Variants in HIP1R observed in about 807,000 individuals in gnomAD.
The protein encoded by HIP1R is huntingtin-interacting protein 1-related protein.
In HIP1R, 135 loss-of-function variants were observed where a neutral mutation model predicts 144.2. The observed-to-expected ratio is 0.94, with a 90% CI of 0.81 to 1.08. The LOEUF is 1.08. HIP1R is among the 50% of genes least tolerant of loss of function. The probability of loss-of-function intolerance (pLI) is 0.00; values close to 1 mark genes in which losing one functional copy is unlikely to be tolerated. For missense variants in HIP1R, 1,462 were observed against 1,432.8 expected (o/e 1.02, Z -0.33); for synonymous variants, 698 against 612.8 (o/e 1.14, Z -2.05).
rs1166694231 is a variant in HIP1R at position 122,860,757 on chromosome 12, C to T, written c.2739C>T (p.Ser913=). ...TCTGCTCCCACGAGATCGCAGCCAG[C>T]ACGGCCCAGCTGGTGGCGGCCTCCA... ...LIVCSHEIAA[S]TAQLVAASKV... Residue 913 remains serine, a synonymous_variant, in exon 28 of 32, where the codon AGC becomes AGT. Transcript: ENST00000253083. 8 of 1,613,110 alleles carry T rather than the reference C, an allele frequency of 5.0e-6. No individual in the cohort carries two copies. Among genetic ancestry groups the T allele is most frequent in the Non-Finnish European group, 6.8e-6 (8 of 1,179,906 alleles).
intron 1 of HIP1R, 113 bp from the exon 2 acceptor site, chr12:122,847,918 C>A: frequency 4.3e-6 from 4 of 922,770 alleles, no homozygotes; most frequent in Non-Finnish European, 6.6e-6. Flanking sequence ...CATCGCTCCA[C>A]TGGCCTTGAA....
chr12:122,858,738 T>A, intron 20 of HIP1R, 100 bp from the exon 21 acceptor site: 1 of 874,848 alleles, frequency 1.1e-6, no homozygotes, highest in Non-Finnish European at 1.9e-6. Context: ...CCTCCTTTCC[T>A]CTTCCTCCTC....
chr12:122,843,578 G>T (rs2033120530), intron 1 of HIP1R, among the ~76,000 whole-genome samples: 1 of 152,188 alleles, frequency 6.6e-6, no homozygotes, highest in Admixed American at 6.5e-5. Context: ...GCCCCTGGGT[G>T]CCCCTGAGCT....
chr12:122,859,620 C>T (rs2033703781), intron 23 of HIP1R, 84 bp downstream of exon 23: 8 of 1,346,356 alleles, frequency 5.9e-6, no homozygotes, highest in Non-Finnish European at 7.3e-6. Context: ...ACAGGCTGCA[C>T]CCACTCCTGC....
rs2033041139 is a variant in HIP1R, at chr12:122,840,975, A to T, written c.93+5332A>T. On this transcript the variant is annotated intron_variant, in intron 1 of 31. Transcript: ENST00000253083. This position sits in a 1 kb window ranked among gnomAD's most constrained non-coding sequence, Gnocchi z 4.2. Reference sequence around the variant, plus strand: ...CCTCCCAGCCAGCGCTGCACCGGTCATTCGCGAATGAAACCCAGCTGGCCA... The same window carrying T: ...CCTCCCAGCCAGCGCTGCACCGGTCTTTCGCGAATGAAACCCAGCTGGCCA... Among the ~76,000 whole-genome samples the T allele has an allele frequency of 6.6e-6, 1 of 152,178 alleles. No homozygotes were observed. Among genetic ancestry groups the T allele is most frequent in the East Asian group, 1.9e-4 (1 of 5,198 alleles).
At chr12:122,843,357 T>G (rs1011208036) in intron 1 of HIP1R, among the ~76,000 whole-genome samples, 2 of 152,202 alleles carry the variant, frequency 1.3e-5, no homozygotes, top group African/African-American at 4.8e-5. Flanking sequence ...CTTGCCCACC[T>G]GCTCCGAGGT....
chr12:122,845,101 G>A lies in HIP1R; in HGVS notation c.94-2930G>A, dbSNP rs141042331. Among the ~76,000 whole-genome samples, 709 of 152,344 alleles carry A rather than the reference G, an allele frequency of 4.7e-3. 8 individuals carry two copies. Among genetic ancestry groups the A allele is most frequent in the African/African-American group, 0.016 (676 of 41,572 alleles). On this transcript the variant is annotated intron_variant, in intron 1 of 31. Coordinates refer to ENST00000253083, the MANE Select transcript of HIP1R (RefSeq NM_003959.3). ...ACTGTAAGCCTCAGAGCGGAGCTGCGTCAAGGACACCGTGTGGGTCTCACC... is the reference window on the plus strand; with the variant it reads ...ACTGTAAGCCTCAGAGCGGAGCTGCATCAAGGACACCGTGTGGGTCTCACC...
Position 122,850,833 on chromosome 12 carries a change from AG to A in HIP1R, c.439-1del, listed in dbSNP as rs1298902064. The A allele has an allele frequency of 6.2e-7, 1 of 1,607,716 alleles. No individual in the cohort carries two copies. The highest frequency in any genetic ancestry group is 8.5e-7 in the Non-Finnish European group (1 of 1,178,032). ...GCCGCTGGGTGGGGGTTCTCTCCAC[AG>A]CATCCCCAGTTTCCCGCGGGCCTGG... is the stretch of plus-strand genomic sequence containing the variant. On this transcript the variant is annotated splice_acceptor_variant, in intron 5 of 31. Coordinates refer to ENST00000253083, the MANE Select transcript of HIP1R (RefSeq NM_003959.3). LOFTEE classifies it high-confidence loss of function.
Position 122,848,105 on chromosome 12 carries a change from C to T in HIP1R, c.157+11C>T. On this transcript the variant is annotated intron_variant, in intron 2 of 31. Coordinates refer to ENST00000253083, the MANE Select transcript of HIP1R (RefSeq NM_003959.3). ...AGAAGCACGCCCGGCGTATCCTTGG[C>T]CGGCTCTTGGACCCAGGAGTTGGGT... The T allele has an allele frequency of 1.4e-5, 22 of 1,612,946 alleles. No homozygotes were observed. The highest frequency in any genetic ancestry group is 1.9e-5 in the Non-Finnish European group (22 of 1,179,638).
chr12:122,861,285 C>G, intron 30 of HIP1R, 23 bp from the exon 31 acceptor site: 1 of 1,613,562 alleles, frequency 6.2e-7, no homozygotes, highest in East Asian at 2.2e-5. Context: ...CTGGGCTGGG[C>G]TGAGCAGGCC....
At position 122,861,926 on chromosome 12, in the gene HIP1R, T is replaced by C. The variant is rs1292573854; in HGVS notation, c.*173T>C. ...ACTGAGCCTGCAGGGTCCTGGGCCATGTGGGTGGTGCTTCTGGATGTGAGT... is the reference window on the plus strand; with the variant it reads ...ACTGAGCCTGCAGGGTCCTGGGCCACGTGGGTGGTGCTTCTGGATGTGAGT... On this transcript the variant is annotated 3_prime_UTR_variant, in exon 32 of 32. Coordinates refer to ENST00000253083, the MANE Select transcript of HIP1R (RefSeq NM_003959.3). 9 of 581,230 alleles carry C rather than the reference T, an allele frequency of 1.5e-5. No individual in the cohort carries two copies. Among genetic ancestry groups the C allele is most frequent in the Non-Finnish European group, 1.2e-5 (4 of 334,410 alleles). 36.0% of individuals were successfully genotyped at this position (581,230 alleles called of 1,614,324 possible). A position where few individuals can be genotyped will look rare whatever the true frequency, so the allele number is the denominator to read the frequency against.
chr12:122,842,749 C>G (rs1044553760), intron 1 of HIP1R, among the ~76,000 whole-genome samples: 2 of 152,350 alleles, frequency 1.3e-5, no homozygotes, highest in East Asian at 3.9e-4. Flanking sequence ...CCAGCAGCCT[C>G]TCGGGAGCGT....
In HIP1R at chr12:122,856,281, C is replaced by T; in HGVS notation, c.1338C>T (p.Arg446=). ...AERKASATEA[R]YNKLKEKHSE... ...GGAAGGCCAGTGCCACGGAGGCGCG[C>T]TACAACAAGCTGAAGGAAAAGCACA... Residue 446 remains arginine (R), a synonymous_variant, in exon 15 of 32, where the codon CGC becomes CGT. Coordinates refer to ENST00000253083, the MANE Select transcript of HIP1R (RefSeq NM_003959.3). 2 of 1,613,858 alleles carry T rather than the reference C, an allele frequency of 1.2e-6. No individual in the cohort carries two copies. Among genetic ancestry groups the T allele is most frequent in the South Asian group, 1.1e-5 (1 of 91,082 alleles).
Position 122,861,491 on chromosome 12 carries a change from G to A in HIP1R, c.3136G>A (p.Val1046Met), listed in dbSNP as rs759629356. Residue 1046 changes from valine (V) to methionine (M), a missense_variant, in exon 31 of 32, where the codon GTG becomes ATG. Val to Met is a conservative substitution (Grantham distance 21). Coordinates refer to ENST00000253083, the MANE Select transcript of HIP1R (RefSeq NM_003959.3). ...ACCACCCCTGGCCCAGAAGCCCAGC[G>A]TGGCCCCCAGACAGGACCACCAGGT... ...KKPPLAQKPS[V>M]APRQDHQLDK... The A allele has an allele frequency of 1.3e-5, 21 of 1,612,430 alleles. No homozygotes were observed. Among genetic ancestry groups the A allele is most frequent in the Admixed American group, 6.7e-5 (4 of 59,902 alleles).
Position 122,851,305 on chromosome 12 carries a change from G to C in HIP1R, c.577+8G>C, listed in dbSNP as rs746210719. The C allele has an allele frequency of 2.6e-6, 4 of 1,545,288 alleles. No homozygotes were observed. The South Asian group carries it at 5.0e-5, about 19-fold the overall frequency. On this transcript the variant is annotated splice_region_variant and intron_variant, in intron 7 of 31. Transcript: ENST00000253083. ...TGAAGCTTTCTGAATCAGGTGAGCC[G>C]TAAAGAGGGGATGCGGGGGTCTGAG...
intron 1 of HIP1R, among the ~76,000 whole-genome samples, chr12:122,842,263 T>C (rs1391266933): frequency 6.6e-6 from 1 of 152,228 alleles, no homozygotes; most frequent in Non-Finnish European, 1.5e-5. Context: ...GTGCTGCTGT[T>C]AGGTGCCACG....
In HIP1R at chr12:122,857,990, G is replaced by A. The variant is rs572503644; in HGVS notation, c.1816-112G>A. The A allele has an allele frequency of 3.8e-5, 35 of 921,392 alleles. No homozygotes were observed. In the South Asian group the frequency reaches 6.2e-4, roughly 16 times the overall value. 57.1% of individuals were successfully genotyped at this position (921,392 alleles called of 1,614,324 possible). On this transcript the variant is annotated intron_variant, in intron 18 of 31. Coordinates refer to ENST00000253083, the MANE Select transcript of HIP1R (RefSeq NM_003959.3). ...CTAGAAATCTCCACCCCCCTGACCA[G>A]TGAGGGTCTCAGCTGGGCTCCAACT...
chr12:122,861,478 C>T lies in HIP1R; in HGVS notation c.3123C>T (p.Ala1041=), dbSNP rs1397973838. ...RSVTTKKPPL[A]QKPSVAPRQD... ...TAACCACCAAGAAACCACCCCTGGC[C>T]CAGAAGCCCAGCGTGGCCCCCAGAC... The change falls in exon 31 of 32, where the codon GCC becomes GCT. Residue 1041 remains alanine, a synonymous_variant. Transcript: ENST00000253083. The T allele has an allele frequency of 1.9e-6, 3 of 1,613,208 alleles. No individual in the cohort carries two copies. The highest frequency in any genetic ancestry group is 1.7e-6 in the Non-Finnish European group (2 of 1,179,840).
intron 1 of HIP1R, among the ~76,000 whole-genome samples, chr12:122,841,774 G>A (rs1434539003): frequency 6.6e-6 from 1 of 152,146 alleles, no homozygotes; most frequent in Non-Finnish European, 1.5e-5. Flanking sequence ...TGGCAGAGGG[G>A]TGACGCAGGA....
Sources: gnomAD v4.1 joint callset for allele counts (sites outside exome capture counted in the v4.1 genomes callset) on GRCh38, gnomAD v4.1.1 for gene constraint, Gnocchi (gnomAD v3.1) non-coding constraint, MANE v1.5 for transcripts, NCBI Gene and HGNC (gene_info 2026-07-23, HGNC 2026-07-21) for gene names.